ERBB4: variants seen among roughly 807,000 people sequenced by gnomAD.
ERBB4 encodes the protein receptor tyrosine-protein kinase erbB-4.
In ERBB4, 42 loss-of-function variants were observed where a neutral mutation model predicts 158.0. The ratio of observed to expected loss-of-function variants is 0.27; its 90% confidence interval spans 0.21 to 0.34. The LOEUF (loss-of-function observed/expected upper bound fraction) is 0.34. Among genes scored for constraint, ERBB4 ranks in the 10% least tolerant of loss-of-function variants. ERBB4 has a pLI of 1.00. For missense variants in ERBB4, 1,333 were observed against 1,624.1 expected (o/e 0.82, Z 3.08); for synonymous variants, 583 against 558.7 (o/e 1.04, Z -0.61).
intron 5 of ERBB4, among the ~76,000 whole-genome samples, chr2:211,735,451 A>G (rs2074571526): frequency 1.3e-5 from 2 of 152,220 alleles, no homozygotes; most frequent in Non-Finnish European, 2.9e-5. Flanking sequence ...GTAAAAATCA[A>G]AAGGACTAAA....
intron 1 of ERBB4, among the ~76,000 whole-genome samples, chr2:212,442,058 A>G (rs760325111): frequency 6.6e-6 from 1 of 152,196 alleles, no homozygotes; most frequent in Non-Finnish European, 1.5e-5. Flanking sequence ...CAACCATCAA[A>G]GGCAAGGTGG....
At chr2:212,264,402 A>G (rs568984701) in intron 1 of ERBB4, among the ~76,000 whole-genome samples, 1 of 152,232 alleles carries the variant, frequency 6.6e-6, no homozygotes, top group East Asian at 1.9e-4. Flanking sequence ...CATTATGCTC[A>G]CTGGCCTGGA....
intron 1 of ERBB4, among the ~76,000 whole-genome samples, chr2:212,347,028 G>GTC (rs2089035050): frequency 6.6e-6 from 1 of 152,042 alleles, no homozygotes; most frequent in African/African-American, 2.4e-5. Context: ...ACATGAACTT[G>GTC]TGTGGCACTG....
chr2:211,937,600 C>A (rs2080362328), intron 3 of ERBB4, among the ~76,000 whole-genome samples: 1 of 152,064 alleles, frequency 6.6e-6, no homozygotes, highest in South Asian at 2.1e-4. Flanking sequence ...AACTCACAAT[C>A]ATGGGAGAAG....
At chr2:212,351,998 G>A (rs1438521580) in intron 1 of ERBB4, among the ~76,000 whole-genome samples, 1 of 152,086 alleles carries the variant, frequency 6.6e-6, no homozygotes, top group Non-Finnish European at 1.5e-5. Context: ...AAAAAAGAAG[G>A]AGATCTTATC....
At chr2:211,430,575 T>C (rs1347633142) in intron 21 of ERBB4, among the ~76,000 whole-genome samples, 1 of 152,156 alleles carries the variant, frequency 6.6e-6, no homozygotes, top group Non-Finnish European at 1.5e-5. Context: ...TGCTACGGTC[T>C]TTAGATCAGT....
intron 2 of ERBB4, among the ~76,000 whole-genome samples, chr2:212,108,656 T>C (rs1188704989): frequency 1.3e-5 from 2 of 150,590 alleles, no homozygotes; most frequent in African/African-American, 2.5e-5. Context: ...CATTCAACTA[T>C]TCCCAATCAC....
chr2:212,286,319 A>G (rs1478885957), intron 1 of ERBB4, among the ~76,000 whole-genome samples: 2 of 152,192 alleles, frequency 1.3e-5, no homozygotes, highest in African/African-American at 2.4e-5. Context: ...AACCTTAGTG[A>G]TTCATAATAA....
At chr2:212,240,032 A>G (rs2106010245) in intron 1 of ERBB4, among the ~76,000 whole-genome samples, 2 of 152,310 alleles carry the variant, frequency 1.3e-5, no homozygotes, top group Admixed American at 1.3e-4. Flanking sequence ...TTCTGTAGCT[A>G]TGGTTAGACA....
At chr2:211,759,382 A>T (rs1364506463) in intron 4 of ERBB4, among the ~76,000 whole-genome samples, 1 of 152,078 alleles carries the variant, frequency 6.6e-6, no homozygotes, top group Non-Finnish European at 1.5e-5. Context: ...ACCATGTCAA[A>T]TCTCCTAAGT....
At chr2:212,156,030 G>C (rs1031170500) in intron 1 of ERBB4, among the ~76,000 whole-genome samples, 2 of 152,032 alleles carry the variant, frequency 1.3e-5, no homozygotes, top group African/African-American at 4.8e-5. Flanking sequence ...GGGGCCCACA[G>C]GCTTCACCAG....
intron 1 of ERBB4, among the ~76,000 whole-genome samples, chr2:212,494,776 C>T (rs1181950588): frequency 1.3e-5 from 2 of 152,066 alleles, no homozygotes; most frequent in East Asian, 3.9e-4. Context: ...ATAATGACTT[C>T]AATGCTGGGC....
chr2:211,994,131 C>T (rs1046819486), intron 2 of ERBB4, among the ~76,000 whole-genome samples: 6 of 152,158 alleles, frequency 3.9e-5, no homozygotes, highest in African/African-American at 1.4e-4. Flanking sequence ...TACCTATCAT[C>T]TATCTATCTG....
At chr2:211,623,431 C>G (rs75564923) in intron 18 of ERBB4, among the ~76,000 whole-genome samples, 5,880 of 152,040 alleles carry the variant, frequency 0.039, 372 homozygotes, top group African/African-American at 0.13. Context: ...CTAGTTCCAA[C>G]CTATTAAGAC....
chr2:212,416,876 T>C (rs2091667511), intron 1 of ERBB4, among the ~76,000 whole-genome samples: 1 of 152,082 alleles, frequency 6.6e-6, no homozygotes, highest in Admixed American at 6.6e-5. Flanking sequence ...AAATCCTTAA[T>C]CTGATCAAAT....
intron 25 of ERBB4, among the ~76,000 whole-genome samples, chr2:211,413,881 C>A (rs1006429847): frequency 7.3e-5 from 11 of 151,554 alleles, no homozygotes; most frequent in African/African-American, 2.4e-4. Context: ...CAGCTTTCCA[C>A]CTCCCTCAAA....
intron 2 of ERBB4, among the ~76,000 whole-genome samples, chr2:212,035,219 C>A (rs2076986511): frequency 6.6e-6 from 1 of 152,160 alleles, no homozygotes; most frequent in Admixed American, 6.6e-5. Flanking sequence ...AAAGTCCATG[C>A]TCCTTAGCAT....
At chr2:212,187,327 G>A (rs6750637) in intron 1 of ERBB4, among the ~76,000 whole-genome samples, 22,052 of 151,832 alleles carry the variant, frequency 0.15, 1,740 homozygotes, top group South Asian at 0.28. Context: ...AATGCTAGAG[G>A]ATGAGTTAGT....
intron 2 of ERBB4, among the ~76,000 whole-genome samples, chr2:212,108,157 G>A (rs2079288146): frequency 6.6e-6 from 1 of 152,034 alleles, no homozygotes; most frequent in Non-Finnish European, 1.5e-5. Context: ...GCACAGATGA[G>A]TCATGAATAT....
Sources: allele counts gnomAD v4.1 joint callset (sites outside exome capture counted in the v4.1 genomes callset), GRCh38; gene constraint gnomAD v4.1.1; transcripts MANE v1.5; gene names NCBI Gene and HGNC (gene_info 2026-07-23, HGNC 2026-07-21).